Variants in AFDN observed in about 807,000 individuals in gnomAD.
The protein encoded by AFDN is afadin.
Under a neutral mutation model 216.6 loss-of-function variants are expected in AFDN, and 68 were observed. The ratio of observed to expected loss-of-function variants is 0.31; its 90% CI spans 0.26 to 0.38. The LOEUF is 0.38. AFDN is among the 10% of genes least tolerant of loss of function. The pLI, the probability that AFDN is intolerant of heterozygous loss-of-function variation, is 1.00. For missense variants in AFDN, 2,136 were observed against 2,342.0 expected (o/e 0.91, Z 1.82); for synonymous variants, 868 against 853.7 (o/e 1.02, Z -0.29).
intron 23 of AFDN, among the ~76,000 whole-genome samples, chr6:167,927,355 G>A (rs1435851745): frequency 2.6e-5 from 4 of 152,134 alleles, no homozygotes; most frequent in Non-Finnish European, 5.9e-5. Context: ...TGGATAAGGT[G>A]AGACCTGTGC....
intron 23 of AFDN, among the ~76,000 whole-genome samples, chr6:167,927,883 C>T (rs1384146102): frequency 1.3e-5 from 2 of 152,116 alleles, no homozygotes; most frequent in African/African-American, 2.4e-5. Flanking sequence ...CTTTGCTTAC[C>T]GACTGAGTCA....
At chr6:167,963,271 CTG>C in intron 31 of AFDN, 1 of 1,063,676 alleles carries the variant, frequency 9.4e-7, no homozygotes, top group Non-Finnish European at 1.1e-6. Context: ...GATGAAGAGG[CTG>C]TAGCCGTTGA....
chr6:167,834,472 TTTTTTTTC>T (rs1206826273), intron 1 of AFDN, among the ~76,000 whole-genome samples: 5 of 146,268 alleles, frequency 3.4e-5, no homozygotes, highest in East Asian at 2.0e-4. Flanking sequence ...TTTTTTTTTT[TTTTTTTTC>T]GAAAGGTATA....
chr6:167,886,184 T>G (rs1166209307), intron 6 of AFDN, among the ~76,000 whole-genome samples: 3 of 152,102 alleles, frequency 2.0e-5, no homozygotes, highest in African/African-American at 7.2e-5. Context: ...ACAGCAAAGC[T>G]CATTTCATTG....
rs369365884 is a variant in AFDN, at chr6:167,951,676, G to C, written c.4322G>C (p.Arg1441Pro). 6.2e-7 allele frequency: 1 copy of C among 1,613,856 alleles called. No homozygotes were observed. ...CTGGAGGAGGAGCGGGAGAGGAAGC[G>C]GAGAGAGCAGGAGAGGAAGTTGGGC... ...ARLEEERERK[R>P]REQERKLGQM... The change falls in exon 30 of 34, where the codon CGG becomes CCG. Residue 1441 changes from arginine (R) to proline (P), a missense_variant. Arg to Pro is a moderately radical substitution (Grantham distance 103). This residue lies in a region of AFDN where 981 missense variants were observed against 966.0 expected (regional missense o/e 1.02). Transcript: ENST00000683244. The surrounding 1 kb of genome is among the most constrained non-coding windows in gnomAD (Gnocchi z 7.1).
chr6:167,886,363 A>G (rs1786807977), intron 6 of AFDN, among the ~76,000 whole-genome samples: 1 of 152,336 alleles, frequency 6.6e-6, no homozygotes, highest in Admixed American at 6.5e-5. Context: ...ATTCATAGAT[A>G]AACAGTGTCA....
At chr6:167,948,264 T>C (rs746397437) in intron 28 of AFDN, 29 bp from the exon 29 acceptor site, 2 of 1,574,380 alleles carry the variant, frequency 1.3e-6, no homozygotes, top group Non-Finnish European at 8.6e-7. Context: ...TGTAAAAAGC[T>C]CACTTTTTTT....
At chr6:167,906,340 T>C (rs1262423792) in intron 12 of AFDN, among the ~76,000 whole-genome samples, 1 of 152,242 alleles carries the variant, frequency 6.6e-6, no homozygotes, top group Admixed American at 6.5e-5. Flanking sequence ...AGTGTTTTTT[T>C]ATCAAGAAGA....
rs116447628 is a variant in AFDN, at chr6:167,922,463, T to C, written c.2909-393T>C. 3.6e-3 allele frequency among the ~76,000 whole-genome samples: 545 copies of C among 152,336 alleles called. 5 individuals are homozygous for C. Among genetic ancestry groups the C allele is most frequent in the African/African-American group, 0.013 (524 of 41,592 alleles). On this transcript the variant is annotated intron_variant, in intron 21 of 33. Coordinates refer to ENST00000683244, the MANE Select transcript of AFDN (RefSeq NM_001386888.1). ...GGCAGACACCCCATGCTCGTATTGTTTTCTGGCTCCTTCCCTCTTTTCTTT... is the reference window on the plus strand; with the variant it reads ...GGCAGACACCCCATGCTCGTATTGTCTTCTGGCTCCTTCCCTCTTTTCTTT...
chr6:167,940,239 C>A (rs914955464), intron 23 of AFDN, among the ~76,000 whole-genome samples: 2 of 151,216 alleles, frequency 1.3e-5, no homozygotes, highest in Non-Finnish European at 2.9e-5. Flanking sequence ...GGAAACCATC[C>A]ACAGGAGAGA....
In AFDN at chr6:167,951,841, C is replaced by T. The variant is rs1380356396; in HGVS notation, c.4487C>T (p.Thr1496Met). 7 of 1,614,142 alleles carry T rather than the reference C, an allele frequency of 4.3e-6. No homozygotes were observed. Among genetic ancestry groups the T allele is most frequent in the Middle Eastern group, 3.3e-4 (2 of 6,062 alleles). ...CTGCAGCCTCAGCAGCAGCCCCGCA[C>T]GATCGAGCGCAGAGACTTGCAGTAC... ...RELQPQQQPR[T>M]IERRDLQYIT... is the part of the protein sequence containing the mutation. Residue 1496 changes from threonine (T) to methionine (M), a missense_variant, in exon 30 of 34, where the codon ACG becomes ATG. By Grantham distance (81) the Thr-to-Met change is moderately conservative. Coordinates refer to ENST00000683244, the MANE Select transcript of AFDN (RefSeq NM_001386888.1). The surrounding 1 kb of genome is among the most constrained non-coding windows in gnomAD (Gnocchi z 7.1).
chr6:167,900,463 C>T (rs192342714), intron 11 of AFDN, among the ~76,000 whole-genome samples: 25 of 152,206 alleles, frequency 1.6e-4, no homozygotes, highest in Admixed American at 4.6e-4. Context: ...CTGGGAGGAG[C>T]GACCCATGAT....
intron 1 of AFDN, among the ~76,000 whole-genome samples, chr6:167,830,933 C>CTT (rs71681602): frequency 0.31 from 24,360 of 79,198 alleles, 8,160 homozygotes; most frequent in East Asian, 0.61. Flanking sequence ...ATATTTGAAA[C>CTT]TTTTTTTTTT....
intron 6 of AFDN, among the ~76,000 whole-genome samples, chr6:167,881,085 A>G (rs908636563): frequency 1.1e-4 from 16 of 152,198 alleles, no homozygotes; most frequent in Admixed American, 2.6e-4. Flanking sequence ...TTAGTCTTCC[A>G]ATTTGTGAGC....
chr6:167,862,367 G>A (rs1285853301), intron 1 of AFDN, among the ~76,000 whole-genome samples: 2 of 151,748 alleles, frequency 1.3e-5, no homozygotes, highest in African/African-American at 4.8e-5. Flanking sequence ...TGCATTTTTA[G>A]TTATAAAGGT....
chr6:167,888,259 T>C (rs896740352), intron 6 of AFDN, among the ~76,000 whole-genome samples: 1 of 152,234 alleles, frequency 6.6e-6, no homozygotes, highest in Non-Finnish European at 1.5e-5. Flanking sequence ...TTAAGGTAAT[T>C]GAAGCAGTGT....
At chr6:167,876,184 TG>T (rs1785357975) in intron 5 of AFDN, among the ~76,000 whole-genome samples, 1 of 152,158 alleles carries the variant, frequency 6.6e-6, no homozygotes, top group African/African-American at 2.4e-5. Context: ...AGCCACCGTC[TG>T]GGGGGAACGT....
At position 167,911,847 on chromosome 6, in the gene AFDN, T is replaced by C. The variant is rs1790440936; in HGVS notation, c.2037+358T>C. ...AAGTGAACAATTCAGTCGCATTTGG[T>C]GCATTCACAGTGTTGTGCAGCCACC... On this transcript the variant is annotated intron_variant, in intron 15 of 33. Coordinates refer to ENST00000683244, the MANE Select transcript of AFDN (RefSeq NM_001386888.1). The C allele has an allele frequency of 2.0e-5, 6 of 297,182 alleles. No homozygotes were observed. In the South Asian group the frequency reaches 2.2e-4, roughly 11 times the overall value. 18.4% of individuals were successfully genotyped at this position (297,182 alleles called of 1,614,324 possible).
chr6:167,839,051 T>A (rs969947681), intron 1 of AFDN, among the ~76,000 whole-genome samples: 5 of 149,458 alleles, frequency 3.3e-5, no homozygotes, highest in Admixed American at 6.7e-5. Context: ...CTTCAAAAAC[T>A]TTTTTTTTTA....
Sources: gnomAD v4.1 joint callset for allele counts (sites outside exome capture counted in the v4.1 genomes callset) on GRCh38, gnomAD v4.1.1 for gene constraint, gnomAD v4.1.1 regional missense constraint, Gnocchi (gnomAD v3.1) non-coding constraint, MANE v1.5 for transcripts, NCBI Gene and HGNC (gene_info 2026-07-23, HGNC 2026-07-21) for gene names.